Variants in NEBL observed in about 807,000 individuals in gnomAD.
NEBL encodes the protein LIM and SH3 protein 2.
In NEBL, 122 loss-of-function variants were observed where a neutral mutation model predicts 140.2. The ratio of observed to expected loss-of-function variants is 0.87; its 90% CI spans 0.75 to 1.01. The LOEUF (loss-of-function observed/expected upper bound fraction) is 1.01. Ranked by LOEUF, NEBL falls within the 50% of genes least tolerant of loss-of-function variation. NEBL has a pLI of 0.00. For missense variants in NEBL, 1,365 were observed against 1,231.3 expected, an observed-to-expected ratio of 1.11 and a Z score of -1.62; for synonymous variants, 436 against 398.9, an observed-to-expected ratio of 1.09 and a Z score of -1.11.
At chr10:20,980,178 C>A (rs1174467302) in intron 3 of NEBL, among the ~76,000 whole-genome samples, 1 of 151,934 alleles carries the variant, frequency 6.6e-6, no homozygotes, top group African/African-American at 2.4e-5. Flanking sequence ...GTGTTTGTAG[C>A]CTATACAGAA....
chr10:21,150,376 T>C (rs1242828101), intron 2 of NEBL, among the ~76,000 whole-genome samples: 1 of 152,216 alleles, frequency 6.6e-6, no homozygotes, highest in Non-Finnish European at 1.5e-5. Flanking sequence ...CACTTTGGTG[T>C]AAAATAACTT....
chr10:21,113,193 T>G (rs1838116775), intron 2 of NEBL: 1 of 309,746 alleles, frequency 3.2e-6, no homozygotes, highest in Non-Finnish European at 6.1e-6. Context: ...AGTGAAGAAA[T>G]CTATATGAGA....
intron 2 of NEBL, among the ~76,000 whole-genome samples, chr10:21,121,327 T>A (rs1027401826): frequency 1.3e-5 from 2 of 152,110 alleles, no homozygotes; most frequent in African/African-American, 4.8e-5. Flanking sequence ...GTCATGCCAA[T>A]CCCCGTTCTT....
At chr10:20,920,822 C>T (rs1833546504) in intron 4 of NEBL, among the ~76,000 whole-genome samples, 1 of 152,028 alleles carries the variant, frequency 6.6e-6, no homozygotes, top group Non-Finnish European at 1.5e-5. Context: ...TCAAATGGTA[C>T]ATAGCTGAAA....
intron 2 of NEBL, among the ~76,000 whole-genome samples, chr10:21,077,544 T>C (rs1836158018): frequency 6.6e-6 from 1 of 151,778 alleles, no homozygotes; most frequent in African/African-American, 2.4e-5. Flanking sequence ...GAGGTGGAGC[T>C]TGCAGTGAGC....
chr10:20,853,951 A>C (rs1200603844), intron 9 of NEBL, among the ~76,000 whole-genome samples: 1 of 152,216 alleles, frequency 6.6e-6, no homozygotes, highest in Non-Finnish European at 1.5e-5. Flanking sequence ...CAATTATCCT[A>C]ATTTGATCAA....
chr10:20,825,837 C>A (rs776935594), intron 18 of NEBL, among the ~76,000 whole-genome samples: 3 of 152,250 alleles, frequency 2.0e-5, no homozygotes, highest in African/African-American at 4.8e-5. Flanking sequence ...CCCCTCCCCC[C>A]AGTCTAAAGG....
At chr10:20,946,089 G>A (rs2131582222) in intron 4 of NEBL, among the ~76,000 whole-genome samples, 1 of 152,294 alleles carries the variant, frequency 6.6e-6, no homozygotes, top group Non-Finnish European at 1.5e-5. Flanking sequence ...GTATGTGGGT[G>A]TCATCTATGT....
intron 10 of NEBL, among the ~76,000 whole-genome samples, chr10:20,851,183 A>T (rs1455010623): frequency 6.6e-6 from 1 of 152,184 alleles, no homozygotes. Context: ...TGGCTTTTTA[A>T]GCAATATACT....
At chr10:20,810,584 A>G (rs1203226411) in intron 24 of NEBL, among the ~76,000 whole-genome samples, 1 of 152,212 alleles carries the variant, frequency 6.6e-6, no homozygotes, top group Non-Finnish European at 1.5e-5. Flanking sequence ...CCTGCTGTCA[A>G]TGGATCCCTG....
chr10:20,871,971 T>C (rs372938074), intron 5 of NEBL, among the ~76,000 whole-genome samples: 51 of 152,248 alleles, frequency 3.3e-4, no homozygotes, highest in Middle Eastern at 3.4e-3. Context: ...ACCCAAATTA[T>C]CACCCACCTA....
chr10:21,233,208 T>C (rs1385619307), intron 3 of NEBL, among the ~76,000 whole-genome samples: 1 of 152,076 alleles, frequency 6.6e-6, no homozygotes, highest in Non-Finnish European at 1.5e-5. Flanking sequence ...CTACAGGCAC[T>C]CGCTAAATTT....
intron 3 of NEBL, among the ~76,000 whole-genome samples, chr10:20,977,284 G>T (rs558210847): frequency 6.6e-6 from 1 of 152,306 alleles, no homozygotes; most frequent in African/African-American, 2.4e-5. Flanking sequence ...AGAAAGTGAG[G>T]CTGTAAGGGA....
At chr10:21,176,090 C>T (rs1014325920), upstream of NEBL, among the ~76,000 whole-genome samples, 2 of 151,964 alleles carry the variant, frequency 1.3e-5, no homozygotes, top group Non-Finnish European at 2.9e-5. Flanking sequence ...GCAGCCTCGA[C>T]CTCCCAGGCT....
chr10:21,081,008 C>T (rs994282956), intron 2 of NEBL, among the ~76,000 whole-genome samples: 4 of 152,116 alleles, frequency 2.6e-5, no homozygotes, highest in African/African-American at 9.7e-5. Context: ...GCATGCACCA[C>T]CACGCCTAGC....
At chr10:21,179,045 A>G (rs556995868), upstream of NEBL, among the ~76,000 whole-genome samples, 5 of 152,338 alleles carry the variant, frequency 3.3e-5, no homozygotes, top group African/African-American at 9.6e-5. Flanking sequence ...AGACGAAGAG[A>G]TTATCCCAGA....
chr10:20,995,982 G>C (rs1212818717), intron 3 of NEBL, among the ~76,000 whole-genome samples: 1 of 152,020 alleles, frequency 6.6e-6, no homozygotes, highest in Non-Finnish European at 1.5e-5. Flanking sequence ...TATAAAGGAA[G>C]AGTACCTTTT....
intron 3 of NEBL, among the ~76,000 whole-genome samples, chr10:21,240,470 C>T (rs1388107641): frequency 2.6e-5 from 4 of 152,054 alleles, no homozygotes; most frequent in Admixed American, 1.3e-4. Flanking sequence ...TGGTGAAACC[C>T]CATCTCTACT....
At chr10:21,135,560 A>T (rs1225154083) in intron 2 of NEBL, among the ~76,000 whole-genome samples, 4 of 152,218 alleles carry the variant, frequency 2.6e-5, no homozygotes, top group African/African-American at 9.6e-5. Context: ...TCCAGGAAAC[A>T]AGCCAAAGAA....
Sources: gnomAD v4.1 joint callset for allele counts (sites outside exome capture counted in the v4.1 genomes callset) on GRCh38, gnomAD v4.1.1 for gene constraint, MANE v1.5 for transcripts, NCBI Gene and HGNC (gene_info 2026-07-23, HGNC 2026-07-21) for gene names.